The following RAPGEF4 variants were observed in gnomAD, a reference collection of about 807,000 sequenced individuals.
The protein encoded by RAPGEF4 is RAP guanine-nucleotide-exchange factor (GEF) 4.
Under a neutral mutation model 147.9 loss-of-function variants are expected in RAPGEF4, and 66 were observed. The observed-to-expected ratio is 0.45, with a 90% CI of 0.37 to 0.55. The LOEUF is 0.55. Ranked by LOEUF, RAPGEF4 falls within the 20% of genes least tolerant of loss-of-function variation. The pLI, the probability that RAPGEF4 is intolerant of heterozygous loss-of-function variation, is 0.00. For synonymous variants in RAPGEF4, 419 were observed against 442.7 expected, an observed-to-expected ratio of 0.95 and a Z score of 0.67; for missense variants, 1,071 against 1,257.3, an observed-to-expected ratio of 0.85 and a Z score of 2.24.
intron 1 of RAPGEF4, among the ~76,000 whole-genome samples, chr2:172,783,101 G>T (rs1277104394): frequency 6.6e-6 from 1 of 152,156 alleles, no homozygotes; most frequent in Non-Finnish European, 1.5e-5. Context: ...CAAATGCAGG[G>T]CTAAACATTC....
At chr2:172,885,871 C>G (rs994482530) in intron 4 of RAPGEF4, among the ~76,000 whole-genome samples, 4 of 152,134 alleles carry the variant, frequency 2.6e-5, no homozygotes, top group Admixed American at 6.5e-5. Flanking sequence ...GTGCCAGAAC[C>G]TTTCATGGTT....
At chr2:172,991,576 G>A (rs1385739483) in intron 15 of RAPGEF4, among the ~76,000 whole-genome samples, 1 of 152,218 alleles carries the variant, frequency 6.6e-6, no homozygotes, top group African/African-American at 2.4e-5. Context: ...CAACATTTGA[G>A]TGGTAAGACA....
chr2:172,924,960 G>T (rs1685128303), intron 6 of RAPGEF4, among the ~76,000 whole-genome samples: 1 of 151,824 alleles, frequency 6.6e-6, no homozygotes, highest in African/African-American at 2.4e-5. Flanking sequence ...TTTTGTTTTT[G>T]TTTTTGAGAC....
At chr2:172,829,606 G>A (rs186169865) in intron 4 of RAPGEF4, among the ~76,000 whole-genome samples, 304 of 152,214 alleles carry the variant, frequency 2.0e-3, no homozygotes, top group African/African-American at 7.2e-3. Flanking sequence ...ATCTTTTTAT[G>A]TAGATTGACT....
chr2:172,962,177 C>T (rs763609656), intron 8 of RAPGEF4, among the ~76,000 whole-genome samples: 8 of 152,156 alleles, frequency 5.3e-5, no homozygotes, highest in Non-Finnish European at 1.0e-4. Context: ...ATGTGGCACA[C>T]AGACCTTCAC....
intron 16 of RAPGEF4, 40 bp from the exon 17 acceptor site, chr2:173,001,226 C>G: frequency 6.2e-7 from 1 of 1,609,972 alleles, no homozygotes; most frequent in East Asian, 2.2e-5. Context: ...AAGATTTCCA[C>G]AAGAACCTAA....
At chr2:172,897,899 C>T (rs76970514) in intron 4 of RAPGEF4, among the ~76,000 whole-genome samples, 2,708 of 140,474 alleles carry the variant, frequency 0.019, 90 homozygotes, top group South Asian at 0.14. Context: ...AAAGCACTTT[C>T]GCACAAGCTC....
At chr2:172,831,197 C>T (rs1690268945) in intron 4 of RAPGEF4, among the ~76,000 whole-genome samples, 1 of 150,800 alleles carries the variant, frequency 6.6e-6, no homozygotes, top group Non-Finnish European at 1.5e-5. Context: ...CCTTGAACCC[C>T]TATTAGCACC....
At chr2:173,045,393 TTA>T (rs1364775590) in intron 29 of RAPGEF4, among the ~76,000 whole-genome samples, 3 of 152,152 alleles carry the variant, frequency 2.0e-5, no homozygotes, top group African/African-American at 7.2e-5. Flanking sequence ...TACAATTTGT[TTA>T]GTCTAGGGCA....
intron 3 of RAPGEF4, among the ~76,000 whole-genome samples, chr2:172,806,371 G>A (rs956707928): frequency 2.0e-5 from 3 of 152,114 alleles, no homozygotes; most frequent in South Asian, 2.1e-4. Context: ...TGCAACCCAC[G>A]GTGGTTAAAT....
intron 26 of RAPGEF4, among the ~76,000 whole-genome samples, chr2:173,032,368 A>G (rs540746403): frequency 2.4e-4 from 37 of 152,346 alleles, no homozygotes; most frequent in African/African-American, 8.4e-4. Flanking sequence ...ACACTGCTCT[A>G]GAAGCATGGG....
chr2:172,877,191 A>T (rs537694727), intron 4 of RAPGEF4, among the ~76,000 whole-genome samples: 151 of 152,370 alleles, frequency 9.9e-4, no homozygotes, highest in African/African-American at 3.4e-3. Context: ...GGCATAAAAA[A>T]GGATGAGTTC....
chr2:172,889,047 G>A (rs1017210659), intron 4 of RAPGEF4, among the ~76,000 whole-genome samples: 4 of 152,194 alleles, frequency 2.6e-5, no homozygotes, highest in African/African-American at 9.6e-5. Context: ...TGTGAGTGCT[G>A]ACGAACAATT....
At chr2:172,925,903 AAGAG>A (rs982486943) in intron 6 of RAPGEF4, among the ~76,000 whole-genome samples, 7 of 143,712 alleles carry the variant, frequency 4.9e-5, no homozygotes, top group East Asian at 2.2e-4. Flanking sequence ...AGAAAGAAGA[AAGAG>A]AGAAAGAAAG....
At chr2:172,960,996 G>A in intron 7 of RAPGEF4, 126 bp from the exon 8 acceptor site, 2 of 862,010 alleles carry the variant, frequency 2.3e-6, no homozygotes, top group South Asian at 3.1e-5. Context: ...ACAAAGTAAA[G>A]CACTGAGTGA....
chr2:172,866,019 A>G (rs2113809), intron 4 of RAPGEF4, among the ~76,000 whole-genome samples: 89,221 of 151,774 alleles, frequency 0.59, 26,700 homozygotes, highest in East Asian at 0.81. Flanking sequence ...TGCTTACTTT[A>G]TGCATAATTT....
At chr2:172,998,123 T>C (rs1189880877) in intron 16 of RAPGEF4, among the ~76,000 whole-genome samples, 2 of 152,182 alleles carry the variant, frequency 1.3e-5, no homozygotes, top group Non-Finnish European at 2.9e-5. Context: ...TTAGAAGACA[T>C]AAAGGAATGT....
intron 4 of RAPGEF4, among the ~76,000 whole-genome samples, chr2:172,886,464 C>T (rs971881091): frequency 2.0e-5 from 3 of 152,198 alleles, no homozygotes; most frequent in South Asian, 4.1e-4. Flanking sequence ...ACCCAGCACT[C>T]GGCATAGTCC....
chr2:172,814,858 G>A (rs764156130), intron 4 of RAPGEF4: 14 of 248,328 alleles, frequency 5.6e-5, no homozygotes, highest in South Asian at 3.7e-4. Context: ...AAAATGATGC[G>A]CCCTATAATA....
Sources: gnomAD v4.1 joint callset for allele counts (sites outside exome capture counted in the v4.1 genomes callset) on GRCh38, gnomAD v4.1.1 for gene constraint, MANE v1.5 for transcripts, NCBI Gene and HGNC (gene_info 2026-07-23, HGNC 2026-07-21) for gene names.